IFT74: variants seen among roughly 807,000 people sequenced by gnomAD.
IFT74 encodes intraflagellar transport 74.
A neutral mutation model predicts 96.7 loss-of-function variants in IFT74; 92 were observed. The ratio of observed to expected loss-of-function variants is 0.95; its 90% CI spans 0.80 to 1.13. IFT74 has a LOEUF of 1.13. Ranked by LOEUF, IFT74 falls within the 50% of genes most tolerant of loss-of-function variation. The probability of loss-of-function intolerance (pLI) is 0.00; values close to 1 mark genes in which losing one functional copy is unlikely to be tolerated. For missense variants in IFT74, 811 were observed against 698.2 expected (o/e 1.16, Z -1.82); for synonymous variants, 223 against 213.2 (o/e 1.05, Z -0.40).
In IFT74 at chr9:26,974,170, G is replaced by T. The variant is rs1826996014; in HGVS notation, c.121-3958G>T. ...TAGTTCTTGGCTCCCTGGAAGTCTT[G>T]TTGAGAAGCATATGGGTTTGGAGCC... On this transcript the variant is annotated intron_variant, in intron 2 of 19. Transcript: ENST00000380062. 2.0e-5 allele frequency among the ~76,000 whole-genome samples: 3 copies of T among 152,162 alleles called. No homozygotes were observed. In the South Asian group the frequency reaches 6.2e-4, roughly 31 times the overall value.
intron 16 of IFT74, among the ~76,000 whole-genome samples, chr9:27,051,637 G>A (rs1302633459): frequency 2.0e-5 from 3 of 152,128 alleles, no homozygotes; most frequent in African/African-American, 4.8e-5. Context: ...CTATGAGTCT[G>A]ACTACTTTAA....
intron 13 of IFT74, among the ~76,000 whole-genome samples, chr9:27,042,723 G>C (rs1376577800): frequency 6.6e-6 from 1 of 152,166 alleles, no homozygotes; most frequent in Non-Finnish European, 1.5e-5. Context: ...TGCCTGACCA[G>C]TCTCCCAAGA....
At chr9:26,974,060 C>T (rs1238940549) in intron 2 of IFT74, among the ~76,000 whole-genome samples, 1 of 152,172 alleles carries the variant, frequency 6.6e-6, no homozygotes, top group Non-Finnish European at 1.5e-5. Flanking sequence ...CTCCCCCACA[C>T]TCTTTAGAGG....
chr9:26,997,156 G>C lies in IFT74; in HGVS notation c.587+6961G>C, dbSNP rs570718454. 2.0e-4 allele frequency among the ~76,000 whole-genome samples: 31 copies of C among 151,380 alleles called. 1 individual carries two copies. The highest frequency in any genetic ancestry group is 1.6e-3 in the Admixed American group (25 of 15,218). On this transcript the variant is annotated intron_variant, in intron 8 of 19. Transcript: ENST00000380062. ...GAACCTGGGAGGCGGAGGTTGTGGT[G>C]AGCTGAGATCACGCCAATGCATTCC...
intron 13 of IFT74, among the ~76,000 whole-genome samples, chr9:27,040,544 CAA>C (rs751893169): frequency 9.7e-5 from 6 of 62,068 alleles, no homozygotes; most frequent in African/African-American, 1.1e-4. Flanking sequence ...GACACTGTCT[CAA>C]AAAAAAAAAA....
At chr9:27,000,560 C>T (rs1828427135) in intron 8 of IFT74, among the ~76,000 whole-genome samples, 2 of 152,110 alleles carry the variant, frequency 1.3e-5, no homozygotes, top group Non-Finnish European at 2.9e-5. Flanking sequence ...TAAAGTAGTG[C>T]ATTCATATAA....
rs143559913 is a variant in IFT74 at position 26,963,113 on chromosome 9, C to G, written c.120+1026C>G. 3.4e-3 allele frequency among the ~76,000 whole-genome samples: 511 copies of G among 152,158 alleles called. 4 individuals carry two copies. The highest frequency in any genetic ancestry group is 0.012 in the African/African-American group (498 of 41,508). ...CCCGATGCTATCCCTCCTCTCTCCC[C>G]GCACCCCACAACAGTCCCCAGAGTG... is the stretch of plus-strand genomic sequence containing the variant. On this transcript the variant is annotated intron_variant, in intron 2 of 19. Transcript: ENST00000380062.
Position 27,055,687 on chromosome 9 carries a change from A to G in IFT74, c.1412A>G (p.Lys471Arg). The change falls in exon 17 of 20, where the codon AAA (lysine) becomes AGA (arginine). Residue 471 changes from lysine to arginine, a missense_variant. Coordinates refer to ENST00000380062, the MANE Select transcript of IFT74 (RefSeq NM_025103.4). ...ATGACTGAAGAACAGCATTCTCTAA[A>G]AAGCAAAATTAAGCAAATGACAACT... ...SKMTEEQHSL[K>R]SKIKQMTTDL... 6.3e-7 allele frequency: 1 copy of G among 1,593,990 alleles called. No homozygotes were observed. The highest frequency in any genetic ancestry group is 1.2e-5 in the South Asian group (1 of 86,874).
intron 2 of IFT74, among the ~76,000 whole-genome samples, chr9:26,965,397 T>A (rs1398051277): frequency 6.6e-6 from 1 of 152,104 alleles, no homozygotes; most frequent in Non-Finnish European, 1.5e-5. Context: ...GGGAATAATT[T>A]TGTTAAAGTC....
At chr9:26,975,999 C>T (rs1827103584) in intron 2 of IFT74, among the ~76,000 whole-genome samples, 1 of 152,220 alleles carries the variant, frequency 6.6e-6, no homozygotes, top group South Asian at 2.1e-4. Context: ...CACTTTTATC[C>T]TCCAAGATAC....
chr9:26,958,533 CA>C (rs1826217194), intron 1 of IFT74, among the ~76,000 whole-genome samples: 1 of 152,044 alleles, frequency 6.6e-6, no homozygotes, highest in Non-Finnish European at 1.5e-5. Flanking sequence ...TAGAACTAAA[CA>C]AAACAAACTC....
chr9:26,961,091 T>G (rs1256377196), intron 1 of IFT74, among the ~76,000 whole-genome samples: 3 of 150,428 alleles, frequency 2.0e-5, no homozygotes, highest in Non-Finnish European at 4.4e-5. Context: ...TTGTTTTTTT[T>G]TTTTTTTTTT....
intron 13 of IFT74, among the ~76,000 whole-genome samples, chr9:27,030,627 C>T (rs186049997): frequency 1.3e-5 from 2 of 148,746 alleles, no homozygotes; most frequent in Non-Finnish European, 3.0e-5. Flanking sequence ...TAACTAGAAA[C>T]AATGAGAAAT....
intron 2 of IFT74, among the ~76,000 whole-genome samples, chr9:26,972,319 G>A (rs546121721): frequency 1.2e-4 from 19 of 152,096 alleles, no homozygotes; most frequent in Admixed American, 3.9e-4. Flanking sequence ...ATTTTCCTCC[G>A]AAGTTTAACT....
At chr9:27,005,756 T>C (rs377640674) in intron 8 of IFT74, 66 of 152,302 alleles carry the variant, frequency 4.3e-4, no homozygotes, top group African/African-American at 1.4e-3. Context: ...AGCAAAAGAT[T>C]GACTAGAAGA....
chr9:27,028,415 AG>A (rs1801421439), intron 12 of IFT74, among the ~76,000 whole-genome samples: 1 of 152,160 alleles, frequency 6.6e-6, no homozygotes, highest in African/African-American at 2.4e-5. Flanking sequence ...TGTTTAACTC[AG>A]GCAACTAGTG....
chr9:27,028,877 C>A, intron 12 of IFT74, 148 bp from the exon 13 acceptor site: 1 of 618,388 alleles, frequency 1.6e-6, no homozygotes, highest in Non-Finnish European at 2.6e-6. Context: ...CTAATGTCAT[C>A]GTCAGTTATA....
rs73436023 is a variant in IFT74 at position 26,984,172 on chromosome 9, C to T, written c.306-85C>T. On this transcript the variant is annotated intron_variant, in intron 4 of 19. Coordinates refer to ENST00000380062, the MANE Select transcript of IFT74 (RefSeq NM_025103.4). ...CACAAAACTATTTATATTATTATTACGTATTAATGGAAAGTTTAAATTTTG... is the reference window on the plus strand; with the variant it reads ...CACAAAACTATTTATATTATTATTATGTATTAATGGAAAGTTTAAATTTTG... The T allele has an allele frequency of 1.4e-3, 1,330 of 956,590 alleles. 12 individuals are homozygous for T. In the African/African-American group the frequency reaches 0.019, roughly 14 times the overall value. 59.3% of individuals were successfully genotyped at this position (956,590 alleles called of 1,614,324 possible). A position where few individuals can be genotyped will look rare whatever the true frequency, so the allele number is the denominator to read the frequency against.
intron 6 of IFT74, among the ~76,000 whole-genome samples, chr9:26,987,322 C>G (rs941177215): frequency 6.6e-6 from 1 of 152,042 alleles, no homozygotes. Context: ...AAACTCCTGA[C>G]CTCGTGATCC....
Sources: gnomAD v4.1 joint callset for allele counts (sites outside exome capture counted in the v4.1 genomes callset) on GRCh38, gnomAD v4.1.1 for gene constraint, MANE v1.5 for transcripts, NCBI Gene and HGNC (gene_info 2026-07-23, HGNC 2026-07-21) for gene names.